Variants in FBXL2 observed in about 807,000 individuals in gnomAD.
The protein encoded by FBXL2 is F-box/LRR-repeat protein 2.
Under a neutral mutation model 69.2 loss-of-function variants are expected in FBXL2, and 38 were observed. That is an observed-to-expected ratio of 0.55 (90% CI 0.42 to 0.72). The LOEUF is 0.72. FBXL2 is among the 30% of genes least tolerant of loss of function. The pLI is 0.00. For synonymous variants in FBXL2, 192 were observed against 201.3 expected, an observed-to-expected ratio of 0.95 and a Z score of 0.39; for missense variants, 354 against 520.3, an observed-to-expected ratio of 0.68 and a Z score of 3.11.
At chr3:33,337,088 C>A (rs976661950) in intron 2 of FBXL2, among the ~76,000 whole-genome samples, 12 of 151,848 alleles carry the variant, frequency 7.9e-5, no homozygotes, top group Non-Finnish European at 1.5e-4. Flanking sequence ...GCCTGTAGTC[C>A]CAGCTACTCG....
intron 2 of FBXL2, among the ~76,000 whole-genome samples, chr3:33,314,101 A>AT (rs879619456): frequency 2.3e-4 from 34 of 150,114 alleles, no homozygotes; most frequent in African/African-American, 4.6e-4. Context: ...ATCCTCTTTA[A>AT]TTTTTTTTTG....
chr3:33,325,739 T>A (rs914709068), intron 2 of FBXL2, among the ~76,000 whole-genome samples: 1 of 152,236 alleles, frequency 6.6e-6, no homozygotes, highest in Non-Finnish European at 1.5e-5. Flanking sequence ...TAAAAAAATT[T>A]AATCAGAAGT....
chr3:33,312,563 C>T (rs2037307691), intron 2 of FBXL2, among the ~76,000 whole-genome samples: 1 of 152,188 alleles, frequency 6.6e-6, no homozygotes, highest in Non-Finnish European at 1.5e-5. Flanking sequence ...TATCACCAGT[C>T]AGCCCATCCG....
intron 1 of FBXL2, among the ~76,000 whole-genome samples, chr3:33,286,587 C>T (rs559288245): frequency 1.7e-3 from 254 of 152,372 alleles, no homozygotes; most frequent in Non-Finnish European, 2.7e-3. Context: ...ACATTTAAGT[C>T]TGCAGAAGTT....
At chr3:33,371,350 T>A (rs1178418493) in intron 5 of FBXL2, among the ~76,000 whole-genome samples, 2 of 147,810 alleles carry the variant, frequency 1.4e-5, no homozygotes, top group African/African-American at 5.0e-5. Flanking sequence ...TTTTTTTTTT[T>A]AGTAGAGACA....
chr3:33,403,704 G>A (rs936561213), downstream of FBXL2: 5 of 152,076 alleles, frequency 3.3e-5, no homozygotes, highest in South Asian at 2.1e-4. Context: ...ACAAAGACAC[G>A]GAGATACACT....
chr3:33,351,017 A>G (rs944760257), intron 2 of FBXL2, among the ~76,000 whole-genome samples: 7 of 152,040 alleles, frequency 4.6e-5, no homozygotes, highest in African/African-American at 1.4e-4. Flanking sequence ...TGTAATCCCA[A>G]CACTTTGGGA....
chr3:33,356,382 C>T (rs1053877561), intron 2 of FBXL2, among the ~76,000 whole-genome samples: 1 of 152,060 alleles, frequency 6.6e-6, no homozygotes, highest in South Asian at 2.1e-4. Flanking sequence ...GATGGAGTCT[C>T]GCTCTGTCGC....
At chr3:33,328,136 A>G (rs1204302234) in intron 2 of FBXL2, among the ~76,000 whole-genome samples, 2 of 152,188 alleles carry the variant, frequency 1.3e-5, no homozygotes, top group African/African-American at 2.4e-5. Context: ...CTAGGAATCA[A>G]TTTAACCAAA....
chr3:33,369,267 G>T (rs920004926), intron 5 of FBXL2, among the ~76,000 whole-genome samples: 1 of 151,536 alleles, frequency 6.6e-6, no homozygotes, highest in Non-Finnish European at 1.5e-5. Flanking sequence ...GCCCAGGCTG[G>T]TCTTGAACTC....
intron 12 of FBXL2, among the ~76,000 whole-genome samples, chr3:33,400,537 A>G (rs937239355): frequency 4.6e-5 from 7 of 152,186 alleles, no homozygotes; most frequent in African/African-American, 1.7e-4. Context: ...CATGGACAAC[A>G]TGAACATTTC....
intron 1 of FBXL2, among the ~76,000 whole-genome samples, chr3:33,294,843 C>CAA (rs372010327): frequency 0.028 from 2,555 of 91,274 alleles, 30 homozygotes; most frequent in South Asian, 0.051. Context: ...ACCCTGTTTC[C>CAA]AAAAAAAAAA....
intron 11 of FBXL2, among the ~76,000 whole-genome samples, 183 bp downstream of exon 11, chr3:33,377,516 A>G (rs921611233): frequency 2.4e-4 from 37 of 152,274 alleles, no homozygotes; most frequent in African/African-American, 8.9e-4. Flanking sequence ...GAAGTCCTAT[A>G]GAGGGTTCTG....
chr3:33,416,654 A>C, the FBXL2 span: 1 of 870,454 alleles, frequency 1.1e-6, no homozygotes, highest in Non-Finnish European at 1.7e-6. Context: ...TAAAGTTAAA[A>C]AGTTGTAATA....
At chr3:33,305,590 C>T (rs1462810735) in intron 2 of FBXL2, among the ~76,000 whole-genome samples, 1 of 151,794 alleles carries the variant, frequency 6.6e-6, no homozygotes, top group Non-Finnish European at 1.5e-5. Flanking sequence ...GCAGTATGCA[C>T]GTGTTTTTCT....
downstream of FBXL2, chr3:33,388,923 CA>C: frequency 6.6e-6 from 1 of 152,146 alleles, no homozygotes; most frequent in East Asian, 1.9e-4. Context: ...TGCCTGAACA[CA>C]ATGAGGATCA....
chr3:33,392,344 G>A, downstream of FBXL2: 2 of 464,224 alleles, frequency 4.3e-6, no homozygotes, highest in Non-Finnish European at 7.5e-6. Flanking sequence ...TTGGCTGAAT[G>A]AATTGAGATT....
chr3:33,377,439 A>G (rs1253499088), intron 11 of FBXL2, 106 bp downstream of exon 11: 21 of 1,067,510 alleles, frequency 2.0e-5, no homozygotes, highest in African/African-American at 3.1e-5. Context: ...CAGAAAAGAC[A>G]GGCACAAAGT....
intron 2 of FBXL2, among the ~76,000 whole-genome samples, chr3:33,310,869 G>A (rs1017737819): frequency 6.6e-6 from 1 of 152,082 alleles, no homozygotes; most frequent in African/African-American, 2.4e-5. Context: ...CCGCCTCCTG[G>A]GTTCAAGTGA....
Sources: allele counts gnomAD v4.1 joint callset (sites outside exome capture counted in the v4.1 genomes callset), GRCh38; gene constraint gnomAD v4.1.1; transcripts MANE v1.5; gene names NCBI Gene and HGNC (gene_info 2026-07-23, HGNC 2026-07-21).